Variants in SNX13 observed in about 807,000 individuals in gnomAD.
SNX13 encodes sorting nexin 13.
Under a neutral mutation model 133.6 loss-of-function variants are expected in SNX13, and 45 were observed. The observed-to-expected ratio is 0.34, with a 90% CI of 0.27 to 0.43. SNX13 has a LOEUF of 0.43. Among genes scored for constraint, SNX13 ranks in the 20% least tolerant of loss-of-function variants. The pLI is 1.00. For missense variants in SNX13, 1,032 were observed against 1,145.1 expected (o/e 0.90, Z 1.43); for synonymous variants, 414 against 373.9 (o/e 1.11, Z -1.24).
At chr7:17,847,010 T>G (rs1318198181) in intron 11 of SNX13, among the ~76,000 whole-genome samples, 2 of 152,160 alleles carry the variant, frequency 1.3e-5, no homozygotes, top group Non-Finnish European at 2.9e-5. Flanking sequence ...GTATTCAAAA[T>G]GGAATTGACA....
At chr7:17,824,460 A>C (rs185045915) in intron 17 of SNX13, among the ~76,000 whole-genome samples, 7 of 152,268 alleles carry the variant, frequency 4.6e-5, no homozygotes, top group African/African-American at 1.7e-4. Flanking sequence ...AAAATCAAAT[A>C]TGTTTACCAT....
chr7:17,794,479 G>A (rs534322099), intron 25 of SNX13, 187 bp from the exon 26 acceptor site: 79 of 642,916 alleles, frequency 1.2e-4, no homozygotes, highest in Non-Finnish European at 1.7e-4. Context: ...ATCTATTTAC[G>A]CACTTAATGC....
At chr7:17,865,724 C>G (rs925222089) in intron 9 of SNX13, among the ~76,000 whole-genome samples, 2 of 152,156 alleles carry the variant, frequency 1.3e-5, no homozygotes, top group African/African-American at 4.8e-5. Context: ...CATCACATTA[C>G]TTGACTTCAA....
intron 5 of SNX13, 77 bp from the exon 6 acceptor site, chr7:17,875,867 GACAA>G (rs1270499215): frequency 6.9e-6 from 8 of 1,160,682 alleles, no homozygotes; most frequent in East Asian, 5.1e-5. Flanking sequence ...AATGACTACT[GACAA>G]ACAACATGAT....
chr7:17,929,141 T>C (rs888856573), intron 1 of SNX13, among the ~76,000 whole-genome samples: 2 of 150,924 alleles, frequency 1.3e-5, no homozygotes, highest in African/African-American at 2.4e-5. Flanking sequence ...GAATAATGAA[T>C]ACAGAAAGGA....
intron 2 of SNX13, among the ~76,000 whole-genome samples, chr7:17,896,086 C>G (rs1268832971): frequency 6.6e-6 from 1 of 152,176 alleles, no homozygotes; most frequent in African/African-American, 2.4e-5. Context: ...TTCAGCCATG[C>G]TGTCGCCTTA....
At chr7:17,889,067 T>C (rs146554394) in intron 5 of SNX13, 7 of 167,166 alleles carry the variant, frequency 4.2e-5, no homozygotes, top group African/African-American at 1.2e-4. Flanking sequence ...AGTGTTGCTA[T>C]AGAAAGCAAT....
At chr7:17,825,306 A>AG (rs1324911446) in intron 17 of SNX13, among the ~76,000 whole-genome samples, 1 of 151,864 alleles carries the variant, frequency 6.6e-6, no homozygotes, top group African/African-American at 2.4e-5. Context: ...AGACTAGACT[A>AG]GACTATAAAA....
rs1800278757 is a variant in SNX13 at position 17,922,852 on chromosome 7, T to C, written c.12+17432A>G. Among the ~76,000 whole-genome samples, 3 of 152,206 alleles carry C rather than the reference T, an allele frequency of 2.0e-5. No homozygotes were observed. In the South Asian group the frequency reaches 6.2e-4, roughly 31 times the overall value. Reference sequence around the variant, plus strand: ...TTTTTTAAAATGTAATGAAAAATCATATGTGCTTACTCAGAAAAAGGTATG... The same window carrying C: ...TTTTTTAAAATGTAATGAAAAATCACATGTGCTTACTCAGAAAAAGGTATG... On this transcript the variant is annotated intron_variant, in intron 1 of 25. Coordinates refer to ENST00000428135, the MANE Select transcript of SNX13 (RefSeq NM_015132.5).
intron 9 of SNX13, among the ~76,000 whole-genome samples, chr7:17,859,959 G>A (rs1792444276): frequency 6.6e-6 from 1 of 152,078 alleles, no homozygotes; most frequent in Non-Finnish European, 1.5e-5. Context: ...CTGCAATCAT[G>A]ATTACACAAA....
At chr7:17,836,485 G>A (rs557719923) in intron 13 of SNX13, among the ~76,000 whole-genome samples, 33 of 152,124 alleles carry the variant, frequency 2.2e-4, no homozygotes, top group African/African-American at 7.5e-4. Context: ...CAAACTTTAC[G>A]ACAGAGTGAG....
chr7:17,803,463 T>C lies in SNX13; in HGVS notation c.2182A>G (p.Met728Val). 6.2e-7 allele frequency: 1 copy of C among 1,612,606 alleles called. No homozygotes were observed. The highest frequency in any genetic ancestry group is 8.5e-7 in the Non-Finnish European group (1 of 1,179,232). The change falls in exon 21 of 26, where the codon ATG (methionine) becomes GTG (valine). Residue 728 changes from methionine to valine, a missense_variant. By Grantham distance (21) the Met-to-Val change is conservative. Transcript: ENST00000428135. ...MTKMSDNMGKMSERLGQDIKQ... is the reference protein window; with the variant it reads ...MTKMSDNMGKVSERLGQDIKQ... Reference sequence around the variant, plus strand: ...ATGTCTTGACCTAATCTTTCTGACATTTTGCCCATGTTGTCTGACATTTTA... The same window carrying C: ...ATGTCTTGACCTAATCTTTCTGACACTTTGCCCATGTTGTCTGACATTTTA...
chr7:17,939,856 C>G (rs547511218), intron 1 of SNX13, among the ~76,000 whole-genome samples: 27 of 152,276 alleles, frequency 1.8e-4, no homozygotes, highest in Admixed American at 1.6e-3. Flanking sequence ...GGGTGCTGAC[C>G]GAGCTCGGAG....
chr7:17,938,501 G>C (rs1802371137), intron 1 of SNX13, among the ~76,000 whole-genome samples: 1 of 152,218 alleles, frequency 6.6e-6, no homozygotes, highest in South Asian at 2.1e-4. Context: ...ATCTAGAAAA[G>C]TTAACAGAAT....
rs570021693 is a variant in SNX13 at position 17,830,438 on chromosome 7, T to C, written c.1598-391A>G. ...GCACTATTTTGTAACTTCTGTCTCA[T>C]TGGATTAAGAAAGATTACAAATAAA... On this transcript the variant is annotated intron_variant, in intron 15 of 25. Transcript: ENST00000428135. The C allele has an allele frequency of 3.3e-5, 32 of 984,054 alleles. No homozygotes were observed. The South Asian group carries it at 4.7e-4, about 14-fold the overall frequency. 61.0% of individuals were successfully genotyped at this position (984,054 alleles called of 1,614,324 possible).
intron 5 of SNX13, among the ~76,000 whole-genome samples, chr7:17,884,590 T>C (rs990722406): frequency 4.6e-5 from 7 of 152,018 alleles, no homozygotes; most frequent in African/African-American, 1.7e-4. Flanking sequence ...GTTAATAGAG[T>C]TCCCACTTGT....
intron 1 of SNX13, among the ~76,000 whole-genome samples, chr7:17,915,671 C>T (rs2714854): frequency 0.4 from 61,385 of 151,734 alleles, 12,827 homozygotes; most frequent in South Asian, 0.6. Flanking sequence ...CTACAACTAC[C>T]ACACCTAAAA....
chr7:17,868,820 CTTTAT>C (rs1337295913), intron 8 of SNX13, among the ~76,000 whole-genome samples: 4 of 151,922 alleles, frequency 2.6e-5, no homozygotes, highest in Non-Finnish European at 5.9e-5. Context: ...ATTCATTTAT[CTTTAT>C]TAAAACTATA....
intron 1 of SNX13, among the ~76,000 whole-genome samples, chr7:17,909,280 G>A (rs1798708099): frequency 6.6e-6 from 1 of 152,188 alleles, no homozygotes; most frequent in Admixed American, 6.5e-5. Context: ...CAACCATGTG[G>A]AAGACAGTGT....
Sources: gnomAD v4.1 joint callset for allele counts (sites outside exome capture counted in the v4.1 genomes callset) on GRCh38, gnomAD v4.1.1 for gene constraint, MANE v1.5 for transcripts, NCBI Gene and HGNC (gene_info 2026-07-23, HGNC 2026-07-21) for gene names.